Variants in ARFGEF1 observed in about 807,000 individuals in gnomAD.
ARFGEF1 encodes the protein ARF guanine nucleotide exchange factor 1.
A neutral mutation model predicts 231.0 loss-of-function variants in ARFGEF1; 42 were observed. The ratio of observed to expected loss-of-function variants is 0.18; its 90% confidence interval spans 0.14 to 0.24. The LOEUF is 0.24. ARFGEF1 is among the 10% of genes least tolerant of loss of function. The pLI, the probability that ARFGEF1 is intolerant of heterozygous loss-of-function variation, is 1.00. For synonymous variants in ARFGEF1, 710 were observed against 732.3 expected (o/e 0.97, Z 0.49); for missense variants, 1,345 against 2,192.0 (o/e 0.61, Z 7.72).
At chr8:67,307,164 A>C (rs1012574603) in intron 1 of ARFGEF1, among the ~76,000 whole-genome samples, 4 of 152,250 alleles carry the variant, frequency 2.6e-5, no homozygotes, top group Non-Finnish European at 4.4e-5. Context: ...GGGAGTCTAT[A>C]TATCAATTAC....
intron 1 of ARFGEF1, among the ~76,000 whole-genome samples, chr8:67,325,930 CCCA>C (rs1288803422): frequency 9.9e-5 from 15 of 152,132 alleles, no homozygotes; most frequent in African/African-American, 3.6e-4. Flanking sequence ...TGCCTGTAAT[CCCA>C]CCACTTTGGA....
At chr8:67,257,871 T>A in intron 16 of ARFGEF1, 55 bp from the exon 17 acceptor site, 1 of 1,438,646 alleles carries the variant, frequency 7.0e-7, no homozygotes, top group Non-Finnish European at 9.6e-7. Flanking sequence ...ATAGTTTCAT[T>A]TAAATAAGTC....
At chr8:67,204,886 T>C in intron 34 of ARFGEF1, 67 bp from the exon 35 acceptor site, 1 of 1,569,888 alleles carries the variant, frequency 6.4e-7, no homozygotes, top group African/African-American at 1.3e-5. Context: ...ATAATTTCCA[T>C]GATATTACAA....
At chr8:67,254,667 A>C (rs1188349152) in intron 17 of ARFGEF1, among the ~76,000 whole-genome samples, 1 of 152,146 alleles carries the variant, frequency 6.6e-6, no homozygotes, top group Non-Finnish European at 1.5e-5. Context: ...CTCAAACAAA[A>C]ACAAAAGTAC....
At chr8:67,227,345 C>G in intron 26 of ARFGEF1, 36 bp from the exon 27 acceptor site, 1 of 1,599,826 alleles carries the variant, frequency 6.3e-7, no homozygotes, top group East Asian at 2.2e-5. Context: ...GATATGCAAA[C>G]CGATAAAACT....
chr8:67,309,982 T>C (rs1315268587), intron 1 of ARFGEF1, among the ~76,000 whole-genome samples: 1 of 152,206 alleles, frequency 6.6e-6, no homozygotes, highest in African/African-American at 2.4e-5. Context: ...CAACTTTGCG[T>C]TGTAACCACT....
chr8:67,275,432 T>C (rs965889774), intron 9 of ARFGEF1, among the ~76,000 whole-genome samples: 17 of 152,104 alleles, frequency 1.1e-4, no homozygotes, highest in African/African-American at 3.9e-4. Flanking sequence ...CTGATCCCAA[T>C]AGACAAAGAC....
At chr8:67,310,006 T>C (rs1806922109) in intron 1 of ARFGEF1, among the ~76,000 whole-genome samples, 1 of 152,180 alleles carries the variant, frequency 6.6e-6, no homozygotes, top group African/African-American at 2.4e-5. Flanking sequence ...ACAAAATACT[T>C]TGGTATTATA....
intron 5 of ARFGEF1, among the ~76,000 whole-genome samples, chr8:67,181,459 A>G (rs1833024242): frequency 6.6e-6 from 1 of 151,284 alleles, no homozygotes; most frequent in South Asian, 2.1e-4. Context: ...CAGGGAAATG[A>G]GACCTTCCTT....
chr8:67,222,182 CATAT>C (rs60905220), intron 29 of ARFGEF1, among the ~76,000 whole-genome samples: 1,640 of 117,722 alleles, frequency 0.014, 24 homozygotes, highest in South Asian at 0.029. Flanking sequence ...TATATATACA[CATAT>C]ATATATATAT....
chr8:67,257,956 T>C, intron 16 of ARFGEF1, 129 bp downstream of exon 16: 1 of 1,192,512 alleles, frequency 8.4e-7, no homozygotes, highest in Non-Finnish European at 1.2e-6. Flanking sequence ...TTTTACGACT[T>C]CCAGATTGTA....
At chr8:67,192,144 T>C (rs1046336656) in intron 5 of ARFGEF1, among the ~76,000 whole-genome samples, 2 of 151,488 alleles carry the variant, frequency 1.3e-5, no homozygotes, top group Non-Finnish European at 2.9e-5. Flanking sequence ...GTGATCTCAG[T>C]GCACTGCACC....
intron 19 of ARFGEF1, among the ~76,000 whole-genome samples, chr8:67,247,180 C>A (rs1354262742): frequency 6.7e-6 from 1 of 150,048 alleles, no homozygotes; most frequent in Non-Finnish European, 1.5e-5. Flanking sequence ...AGAACTAATA[C>A]GAATCCTATT....
intron 6 of ARFGEF1, among the ~76,000 whole-genome samples, chr8:67,289,549 C>CAAAAAA (rs552601455): frequency 6.7e-5 from 3 of 44,840 alleles, no homozygotes; most frequent in African/African-American, 2.1e-4. Flanking sequence ...ACTCTGTATC[C>CAAAAAA]AAAAAAAAAA....
chr8:67,295,380 G>C (rs1806187098), intron 5 of ARFGEF1, among the ~76,000 whole-genome samples: 4 of 152,106 alleles, frequency 2.6e-5, no homozygotes, highest in Admixed American at 2.0e-4. Flanking sequence ...CCTTAACCAA[G>C]TGATCAAGGT....
chr8:67,187,752 C>T (rs931930033), intron 5 of ARFGEF1, among the ~76,000 whole-genome samples: 3 of 152,104 alleles, frequency 2.0e-5, no homozygotes, highest in African/African-American at 7.2e-5. Flanking sequence ...AAAGGCAGTA[C>T]TGACAAAGGA....
intron 1 of ARFGEF1, among the ~76,000 whole-genome samples, chr8:67,311,503 G>A (rs1807055525): frequency 6.9e-6 from 1 of 145,778 alleles, no homozygotes; most frequent in Admixed American, 6.7e-5. Context: ...GCCCCGTCCG[G>A]GAGGGAGGTG....
intron 1 of ARFGEF1, among the ~76,000 whole-genome samples, chr8:67,329,164 G>A: frequency 6.6e-6 from 1 of 151,756 alleles, no homozygotes; most frequent in East Asian, 1.9e-4. Flanking sequence ...AGGCGGAGAT[G>A]GCCGTGAGCC....
intron 1 of ARFGEF1, among the ~76,000 whole-genome samples, chr8:67,340,434 T>G (rs1032534471): frequency 5.9e-5 from 9 of 152,212 alleles, no homozygotes; most frequent in African/African-American, 2.2e-4. Flanking sequence ...GCCACATAGA[T>G]TACCAACAGA....
Sources: gnomAD v4.1 joint callset for allele counts (sites outside exome capture counted in the v4.1 genomes callset) on GRCh38, gnomAD v4.1.1 for gene constraint, MANE v1.5 for transcripts, NCBI Gene and HGNC (gene_info 2026-07-23, HGNC 2026-07-21) for gene names.